ZNF678: variants seen among roughly 807,000 people sequenced by gnomAD.
ZNF678 encodes hypothetical protein MGC42493.
Under a neutral mutation model 3.0 loss-of-function variants are expected in ZNF678, and 5 were observed. The ratio of observed to expected loss-of-function variants is 1.69; its 90% CI spans 0.88 to 3.56. The LOEUF is 3.56. ZNF678 is among the 30% of genes most tolerant of loss of function. ZNF678 has a pLI of 0.00. For missense variants in ZNF678, 593 were observed against 605.0 expected (o/e 0.98, Z 0.21); for synonymous variants, 218 against 199.6 (o/e 1.09, Z -0.78).
Position 227,657,884 on chromosome 1 carries a change from A to T in ZNF678, c.*2056A>T, listed in dbSNP as rs574489858. 1 of 152,122 alleles carries T rather than the reference A, an allele frequency of 6.6e-6. No individual in the cohort carries two copies. Among genetic ancestry groups the T allele is most frequent in the South Asian group, 2.1e-4 (1 of 4,828 alleles). The allele number at this position is 152,122 out of a possible 1,614,324, so 9.4% of individuals were successfully genotyped here. On this transcript the variant is annotated 3_prime_UTR_variant, in exon 4 of 4. Coordinates refer to ENST00000343776, the MANE Select transcript of ZNF678 (RefSeq NM_001367909.1). ...GCTTTGTATTGAATTTACTTCTGTAAAATCTTATGGCTGCTGGCTCAGAAT... is the reference window on the plus strand; with the variant it reads ...GCTTTGTATTGAATTTACTTCTGTATAATCTTATGGCTGCTGGCTCAGAAT...
chr1:227,668,289 C>T (rs1482669597), intron 5 of ZNF678, among the ~76,000 whole-genome samples: 2 of 152,182 alleles, frequency 1.3e-5, no homozygotes, highest in Non-Finnish European at 2.9e-5. Flanking sequence ...TATAATTAAA[C>T]ATAATTCAGC....
intron 1 of ZNF678, among the ~76,000 whole-genome samples, chr1:227,620,882 G>A (rs892617072): frequency 3.9e-5 from 6 of 152,332 alleles, no homozygotes; most frequent in Admixed American, 3.9e-4. Flanking sequence ...TAGTCAAGGT[G>A]TAGGGAATGG....
At chr1:227,604,309 G>T (rs1240859294) in intron 1 of ZNF678, among the ~76,000 whole-genome samples, 1 of 152,204 alleles carries the variant, frequency 6.6e-6, no homozygotes, top group Admixed American at 6.5e-5. Flanking sequence ...GTTTGTGAGG[G>T]TTCTATGTTT....
chr1:227,631,162 G>T (rs1259469864), intron 1 of ZNF678, among the ~76,000 whole-genome samples: 1 of 152,116 alleles, frequency 6.6e-6, no homozygotes, highest in Non-Finnish European at 1.5e-5. Context: ...AGGACATAGG[G>T]ATGCCAGTAC....
At position 227,563,659 on chromosome 1, in the gene ZNF678, C is replaced by T. The variant is rs1206277733; in HGVS notation, c.-229C>T. 2 of 1,322,492 alleles carry T rather than the reference C, an allele frequency of 1.5e-6. No homozygotes were observed. The highest frequency in any genetic ancestry group is 5.1e-5 in the East Asian group (1 of 19,706). 81.9% of individuals were successfully genotyped at this position (1,322,492 alleles called of 1,614,324 possible). On this transcript the variant is annotated 5_prime_UTR_variant, in exon 1 of 4. Transcript: ENST00000343776. The stretch of plus-strand genomic sequence containing the variant: ...TCTGCTGCTGCAGTGTCTGGTTTCC[C>T]TGTGACCTGCAGGTACTGGGAGTTA...
intron 1 of ZNF678, among the ~76,000 whole-genome samples, chr1:227,579,761 A>C (rs1657079306): frequency 6.6e-6 from 1 of 152,202 alleles, no homozygotes; most frequent in Non-Finnish European, 1.5e-5. Context: ...ACAGGCCAGC[A>C]GACCAAGGGA....
At position 227,658,903 on chromosome 1, in the gene ZNF678, C is replaced by CTA. The variant is rs1430087658; in HGVS notation, c.*3081_*3082dup. The CTA allele has an allele frequency of 6.6e-6, 1 of 151,888 alleles. No homozygotes were observed. Among genetic ancestry groups the CTA allele is most frequent in the African/African-American group, 2.4e-5 (1 of 41,368 alleles). 9.4% of individuals were successfully genotyped at this position (151,888 alleles called of 1,614,324 possible). On this transcript the variant is annotated 3_prime_UTR_variant, in exon 4 of 4. Coordinates refer to ENST00000343776, the MANE Select transcript of ZNF678 (RefSeq NM_001367909.1). ...TAGGTAAAGCATTAATAATGGTAGGCTATATATCATAATCACTATATAAAG... is the reference window on the plus strand; with the variant it reads ...TAGGTAAAGCATTAATAATGGTAGGCTATATATATCATAATCACTATATAAAG...
At chr1:227,629,658 C>T (rs1343552307) in intron 1 of ZNF678, among the ~76,000 whole-genome samples, 3 of 152,194 alleles carry the variant, frequency 2.0e-5, no homozygotes, top group Non-Finnish European at 4.4e-5. Flanking sequence ...TGGCATGGGC[C>T]GGCGCTTGCC....
chr1:227,643,216 A>G (rs1428837775), intron 1 of ZNF678, among the ~76,000 whole-genome samples: 1 of 152,164 alleles, frequency 6.6e-6, no homozygotes, highest in African/African-American at 2.4e-5. Flanking sequence ...TAGTACAGCA[A>G]TGGTGGTGGC....
intron 5 of ZNF678, among the ~76,000 whole-genome samples, chr1:227,671,963 C>T (rs781092886): frequency 1.2e-4 from 18 of 152,226 alleles, no homozygotes; most frequent in Admixed American, 2.0e-4. Context: ...AGAACATTCA[C>T]GCAGGAGCTG....
chr1:227,591,426 A>G (rs1657410956), intron 1 of ZNF678, among the ~76,000 whole-genome samples: 1 of 152,146 alleles, frequency 6.6e-6, no homozygotes, highest in African/African-American at 2.4e-5. Flanking sequence ...ATTTATTTTC[A>G]CACAGTCCTA....
intron 1 of ZNF678, among the ~76,000 whole-genome samples, chr1:227,600,607 G>A (rs1657713339): frequency 6.6e-6 from 1 of 151,952 alleles, no homozygotes; most frequent in African/African-American, 2.4e-5. Context: ...AAGTGTTCTT[G>A]TCCTTTGCCC....
chr1:227,618,067 C>T (rs188032198), intron 1 of ZNF678, among the ~76,000 whole-genome samples: 283 of 152,298 alleles, frequency 1.9e-3, no homozygotes, highest in African/African-American at 5.9e-3. Context: ...CAGAGAACAA[C>T]ACTTCGCCCC....
chr1:227,593,381 A>G (rs370297852), intron 1 of ZNF678, among the ~76,000 whole-genome samples: 1 of 152,346 alleles, frequency 6.6e-6, no homozygotes. Flanking sequence ...AAATGAAGGT[A>G]TGATTTTAGG....
intron 1 of ZNF678, among the ~76,000 whole-genome samples, chr1:227,632,386 G>A (rs1430120652): frequency 1.1e-4 from 16 of 152,158 alleles, no homozygotes; most frequent in Non-Finnish European, 1.5e-4. Flanking sequence ...CAAGAAAGTC[G>A]TGGCTGGGAC....
At chr1:227,606,593 A>C (rs1208521034) in intron 1 of ZNF678, among the ~76,000 whole-genome samples, 1 of 152,040 alleles carries the variant, frequency 6.6e-6, no homozygotes, top group African/African-American at 2.4e-5. Context: ...CCTCCTCAGC[A>C]CAGACCCTTT....
At chr1:227,624,784 T>TG (rs1658367296) in intron 1 of ZNF678, among the ~76,000 whole-genome samples, 1 of 152,156 alleles carries the variant, frequency 6.6e-6, no homozygotes, top group South Asian at 2.1e-4. Context: ...CTAGCCTGAT[T>TG]GGGAGCGGCA....
At chr1:227,674,606 T>TC (rs1558165458) in intron 5 of ZNF678, among the ~76,000 whole-genome samples, 65 of 149,924 alleles carry the variant, frequency 4.3e-4, no homozygotes, top group South Asian at 3.1e-3. Context: ...TTTTTTTTTT[T>TC]TCTTTTTTTT....
Position 227,659,223 on chromosome 1 carries a change from C to G in ZNF678, c.*3395C>G, listed in dbSNP as rs1659334841. On this transcript the variant is annotated 3_prime_UTR_variant, in exon 4 of 4. Transcript: ENST00000343776. Reference sequence around the variant, plus strand: ...TTTTCTTCCCCATTGATACTGGAATCTTGGGAAGTTTCTTACTCATATCAC... The same window carrying G: ...TTTTCTTCCCCATTGATACTGGAATGTTGGGAAGTTTCTTACTCATATCAC... The G allele has an allele frequency of 6.6e-6, 1 of 152,028 alleles. No homozygotes were observed. The highest frequency in any genetic ancestry group is 1.5e-5 in the Non-Finnish European group (1 of 67,998). The allele number at this position is 152,028 out of a possible 1,614,324, so 9.4% of individuals were successfully genotyped here.
Sources: allele counts gnomAD v4.1 joint callset (sites outside exome capture counted in the v4.1 genomes callset), GRCh38; gene constraint gnomAD v4.1.1; transcripts MANE v1.5; gene names NCBI Gene and HGNC (gene_info 2026-07-23, HGNC 2026-07-21).